The following PDE4D variants were observed in gnomAD, a reference collection of about 807,000 sequenced individuals.
The protein encoded by PDE4D is 3',5'-cyclic-AMP phosphodiesterase 4D.
A neutral mutation model predicts 87.4 loss-of-function variants in PDE4D; 24 were observed. The observed-to-expected ratio is 0.27, with a 90% CI of 0.20 to 0.39. The LOEUF is 0.39. Ranked by LOEUF, PDE4D falls within the 10% of genes least tolerant of loss-of-function variation. PDE4D has a pLI of 1.00. For missense variants in PDE4D, 714 were observed against 1,041.0 expected (o/e 0.69, Z 4.32); for synonymous variants, 384 against 383.2 (o/e 1.00, Z -0.02).
chr5:59,902,515 C>A (rs1027173683), intron 3 of PDE4D, among the ~76,000 whole-genome samples: 4 of 151,866 alleles, frequency 2.6e-5, no homozygotes, highest in African/African-American at 9.7e-5. Context: ...TGGTTGTTAC[C>A]CAGTGAGTGG....
intron 2 of PDE4D, among the ~76,000 whole-genome samples, chr5:60,006,633 G>A (rs1042814492): frequency 1.3e-5 from 2 of 151,858 alleles, no homozygotes; most frequent in Non-Finnish European, 2.9e-5. Flanking sequence ...ACATAATAAT[G>A]ATGATAATGA....
intron 1 of PDE4D, among the ~76,000 whole-genome samples, chr5:59,458,899 A>C (rs1477975441): frequency 6.6e-6 from 1 of 152,246 alleles, no homozygotes; most frequent in African/African-American, 2.4e-5. Flanking sequence ...GCAAGAAGAC[A>C]TAATTTGCAT....
At chr5:60,410,481 T>C (rs927361359) in intron 1 of PDE4D, among the ~76,000 whole-genome samples, 3 of 152,174 alleles carry the variant, frequency 2.0e-5, no homozygotes, top group Non-Finnish European at 4.4e-5. Context: ...GCTTAGACAT[T>C]TAATTTATTT....
At chr5:59,599,650 A>G (rs1030804453) in intron 1 of PDE4D, among the ~76,000 whole-genome samples, 48 of 152,258 alleles carry the variant, frequency 3.2e-4, no homozygotes, top group Admixed American at 1.1e-3. Context: ...CAGAAATTAG[A>G]ATGTCCATTT....
intron 1 of PDE4D, among the ~76,000 whole-genome samples, chr5:59,574,136 A>T (rs2409647): frequency 0.04 from 116 of 2,916 alleles, 6 homozygotes; most frequent in Admixed American, 0.073. Flanking sequence ...ATTTATATAT[A>T]TATATATAAA....
intron 1 of PDE4D, among the ~76,000 whole-genome samples, chr5:60,262,230 C>T (rs543556743): frequency 6.6e-6 from 1 of 152,236 alleles, no homozygotes; most frequent in Non-Finnish European, 1.5e-5. Context: ...TTGCTCCCGT[C>T]CCTCAAACAC....
At chr5:59,288,354 GAAGA>G in intron 1 of PDE4D, among the ~76,000 whole-genome samples, 1 of 151,828 alleles carries the variant, frequency 6.6e-6, no homozygotes, top group Non-Finnish European at 1.5e-5. Flanking sequence ...CAATCAAGCA[GAAGA>G]AAGAACTGTG....
intron 1 of PDE4D, among the ~76,000 whole-genome samples, chr5:60,326,850 T>C (rs905195067): frequency 6.6e-6 from 1 of 152,170 alleles, no homozygotes; most frequent in African/African-American, 2.4e-5. Context: ...CAAGTTTAGA[T>C]TGCATTGACA....
rs1407860001 is a variant in PDE4D, at chr5:60,085,614, AGAGGTAAGAAAGT to A, written c.43-96910_43-96898del. ...TGCCTTCATGTAGATGTAGCTAAGAAGAGGTAAGAAAGTGATGGAGGGAAAAAGTCCTACTCAT... is the reference window on the plus strand; with the variant it reads ...TGCCTTCATGTAGATGTAGCTAAGAAGATGGAGGGAAAAAGTCCTACTCAT... On this transcript the variant is annotated intron_variant, in intron 2 of 16. Coordinates refer to the PDE4D transcript ENST00000502484. 3.3e-5 allele frequency among the ~76,000 whole-genome samples: 5 copies of A among 152,186 alleles called. No individual in the cohort carries two copies. In the East Asian group the frequency reaches 9.6e-4, roughly 29 times the overall value.
chr5:59,695,316 A>C (rs575718763), intron 1 of PDE4D, among the ~76,000 whole-genome samples: 1 of 151,546 alleles, frequency 6.6e-6, no homozygotes, highest in African/African-American at 2.4e-5. Flanking sequence ...TTAGCTCCTC[A>C]CAGTATATTA....
chr5:59,662,662 C>T (rs781028005), intron 1 of PDE4D, among the ~76,000 whole-genome samples: 4 of 152,164 alleles, frequency 2.6e-5, no homozygotes, highest in Non-Finnish European at 2.9e-5. Flanking sequence ...CTTTTAATTG[C>T]TTCTAAGAAA....
At chr5:60,490,332 C>T (rs1749464138), upstream of PDE4D, 1 of 152,192 alleles carries the variant, frequency 6.6e-6, no homozygotes, top group Admixed American at 6.5e-5. Flanking sequence ...GGAGCTGTCA[C>T]ATAGCAGGGG....
At chr5:59,521,360 C>CT (rs1393373912) in intron 1 of PDE4D, among the ~76,000 whole-genome samples, 1 of 152,200 alleles carries the variant, frequency 6.6e-6, no homozygotes, top group Non-Finnish European at 1.5e-5. Context: ...AGATGTATAA[C>CT]TGCCCAGTCT....
At chr5:60,448,270 A>C (rs1745810912) in intron 1 of PDE4D, among the ~76,000 whole-genome samples, 1 of 152,182 alleles carries the variant, frequency 6.6e-6, no homozygotes, top group Non-Finnish European at 1.5e-5. Flanking sequence ...AATTCAAAAA[A>C]TAATTACTTA....
At chr5:59,005,185 C>A in intron 6 of PDE4D, among the ~76,000 whole-genome samples, 1 of 152,166 alleles carries the variant, frequency 6.6e-6, no homozygotes, top group Non-Finnish European at 1.5e-5. Flanking sequence ...CAGAAACACA[C>A]ATACAGTTTC....
At chr5:59,683,238 TAGAC>T (rs1490450019) in intron 1 of PDE4D, among the ~76,000 whole-genome samples, 1 of 152,108 alleles carries the variant, frequency 6.6e-6, no homozygotes, top group Non-Finnish European at 1.5e-5. Context: ...GATGATTAGA[TAGAC>T]AGAAAGGTAG....
chr5:59,856,973 A>G (rs1307087028), intron 1 of PDE4D, among the ~76,000 whole-genome samples: 2 of 152,148 alleles, frequency 1.3e-5, no homozygotes, highest in African/African-American at 4.8e-5. Context: ...TTGGAAATAC[A>G]AGGAATGGGA....
At chr5:60,253,024 G>C (rs1283285397) in intron 1 of PDE4D, among the ~76,000 whole-genome samples, 1 of 151,808 alleles carries the variant, frequency 6.6e-6, no homozygotes, top group Non-Finnish European at 1.5e-5. Flanking sequence ...TCACTGGACT[G>C]AAGAAACAAT....
intron 1 of PDE4D, chr5:60,335,086 A>T (rs954911731): frequency 3.9e-5 from 6 of 152,184 alleles, no homozygotes; most frequent in African/African-American, 1.4e-4. Context: ...GCCTACCCCA[A>T]ATCATCTCCT....
Sources: allele counts gnomAD v4.1 joint callset (sites outside exome capture counted in the v4.1 genomes callset), GRCh38; gene constraint gnomAD v4.1.1; transcripts MANE v1.5; gene names NCBI Gene and HGNC (gene_info 2026-07-23, HGNC 2026-07-21).